CDH12: variants seen among roughly 807,000 people sequenced by gnomAD.
CDH12 encodes the protein cadherin 12.
A neutral mutation model predicts 74.1 loss-of-function variants in CDH12; 41 were observed. The observed-to-expected ratio is 0.55, with a 90% CI of 0.43 to 0.72. The LOEUF (loss-of-function observed/expected upper bound fraction) is 0.72. Ranked by LOEUF, CDH12 falls within the 30% of genes least tolerant of loss-of-function variation. The pLI is 0.00. For missense variants in CDH12, 945 were observed against 977.2 expected (o/e 0.97, Z 0.44); for synonymous variants, 399 against 355.0 (o/e 1.12, Z -1.39).
chr5:21,893,936 T>C (rs955951328), intron 6 of CDH12, among the ~76,000 whole-genome samples: 3 of 152,060 alleles, frequency 2.0e-5, no homozygotes, highest in East Asian at 3.9e-4. Flanking sequence ...GGTATTTGAG[T>C]TTTTTATTTT....
At chr5:22,378,028 T>C (rs1741608586) in intron 3 of CDH12, among the ~76,000 whole-genome samples, 1 of 152,190 alleles carries the variant, frequency 6.6e-6, no homozygotes, top group Admixed American at 6.5e-5. Context: ...GAATAACTGA[T>C]TATGAATAAT....
chr5:21,751,693 T>C lies in CDH12; in HGVS notation c.*44A>G, dbSNP rs746013405. ...AATATTTGTGTTTCTTTTTCTTTTTTAAAAATCTCCCCTCTCGGTTGTATT... is the reference window on the plus strand; with the variant it reads ...AATATTTGTGTTTCTTTTTCTTTTTCAAAAATCTCCCCTCTCGGTTGTATT... On this transcript the variant is annotated 3_prime_UTR_variant, in exon 15 of 15. Coordinates refer to ENST00000382254, the MANE Select transcript of CDH12 (RefSeq NM_004061.5). The C allele has an allele frequency of 6.6e-7, 1 of 1,525,164 alleles. No homozygotes were observed. The highest frequency in any genetic ancestry group is 1.3e-5 in the South Asian group (1 of 78,462). 94.5% of individuals were successfully genotyped at this position (1,525,164 alleles called of 1,614,324 possible).
chr5:22,226,746 A>G (rs1192883200), intron 3 of CDH12, among the ~76,000 whole-genome samples: 2 of 152,164 alleles, frequency 1.3e-5, no homozygotes, highest in Non-Finnish European at 2.9e-5. Flanking sequence ...TCCAGCATGC[A>G]GAACACATTT....
chr5:22,343,697 C>T (rs913495495), intron 3 of CDH12, among the ~76,000 whole-genome samples: 5 of 152,116 alleles, frequency 3.3e-5, no homozygotes, highest in African/African-American at 7.2e-5. Context: ...GGATTACAGG[C>T]GTGAGAAGTT....
At chr5:22,358,648 G>A (rs960912349) in intron 3 of CDH12, among the ~76,000 whole-genome samples, 6 of 152,106 alleles carry the variant, frequency 3.9e-5, no homozygotes, top group Admixed American at 3.9e-4. Context: ...TTGGTAGAAC[G>A]TTATTGAATT....
At chr5:21,972,729 AG>A (rs1199892593) in intron 6 of CDH12, among the ~76,000 whole-genome samples, 2 of 152,144 alleles carry the variant, frequency 1.3e-5, no homozygotes, top group Non-Finnish European at 2.9e-5. Context: ...TTATGGGGAA[AG>A]ACAAAAGTAA....
chr5:22,471,930 T>C (rs2551514), intron 2 of CDH12, among the ~76,000 whole-genome samples: 83,517 of 151,978 alleles, frequency 0.55, 23,170 homozygotes, highest in Admixed American at 0.69. Context: ...AGTGAGATCA[T>C]GCTCAATTCT....
chr5:22,830,509 A>G (rs1196096563), intron 1 of CDH12, among the ~76,000 whole-genome samples: 1 of 151,826 alleles, frequency 6.6e-6, no homozygotes, highest in Non-Finnish European at 1.5e-5. Context: ...TAATATATAT[A>G]ATTAGAAAAA....
intron 1 of CDH12, among the ~76,000 whole-genome samples, chr5:22,678,485 A>G (rs1477558660): frequency 2.0e-5 from 3 of 152,188 alleles, no homozygotes; most frequent in Admixed American, 6.6e-5. Context: ...TAAAGAATGA[A>G]TGAATGGTAT....
intron 2 of CDH12, among the ~76,000 whole-genome samples, chr5:22,407,648 C>T (rs1266673136): frequency 1.3e-5 from 2 of 152,054 alleles, no homozygotes; most frequent in Non-Finnish European, 2.9e-5. Context: ...CATCTTTCAC[C>T]AGCTACCTGC....
At chr5:21,862,344 G>A (rs1483058486) in intron 6 of CDH12, among the ~76,000 whole-genome samples, 1 of 152,042 alleles carries the variant, frequency 6.6e-6, no homozygotes. Context: ...TAAATTTTAA[G>A]AATCATCTGG....
At chr5:22,825,921 A>G (rs906864035) in intron 1 of CDH12, among the ~76,000 whole-genome samples, 25 of 152,164 alleles carry the variant, frequency 1.6e-4, no homozygotes, top group African/African-American at 5.8e-4. Context: ...GTCAGTCTGC[A>G]TATATATTTT....
chr5:21,920,288 T>G (rs1754291126), intron 6 of CDH12, among the ~76,000 whole-genome samples: 1 of 152,194 alleles, frequency 6.6e-6, no homozygotes, highest in Non-Finnish European at 1.5e-5. Flanking sequence ...CTTTACCAAT[T>G]ACAATAAATG....
At chr5:22,811,409 T>C (rs1326943803) in intron 1 of CDH12, among the ~76,000 whole-genome samples, 2 of 152,122 alleles carry the variant, frequency 1.3e-5, no homozygotes, top group Non-Finnish European at 2.9e-5. Flanking sequence ...GATTAGACGA[T>C]ATTCAGTGGC....
intron 1 of CDH12, among the ~76,000 whole-genome samples, chr5:22,545,901 T>G (rs968036277): frequency 2.0e-5 from 3 of 152,076 alleles, no homozygotes; most frequent in Non-Finnish European, 4.4e-5. Flanking sequence ...AGTTATACAG[T>G]AATGTCACTT....
chr5:22,285,817 A>C (rs1177390624), intron 3 of CDH12, among the ~76,000 whole-genome samples: 1 of 152,064 alleles, frequency 6.6e-6, no homozygotes, highest in African/African-American at 2.4e-5. Context: ...TCATTTATTC[A>C]AAAAGTATTT....
intron 5 of CDH12, among the ~76,000 whole-genome samples, chr5:21,992,737 C>A (rs182617235): frequency 1.3e-5 from 2 of 152,114 alleles, no homozygotes; most frequent in Non-Finnish European, 2.9e-5. Flanking sequence ...ACAGACAGAA[C>A]TTATAAACGG....
At chr5:21,896,448 A>T (rs903994986) in intron 6 of CDH12, among the ~76,000 whole-genome samples, 1 of 152,214 alleles carries the variant, frequency 6.6e-6, no homozygotes, top group Non-Finnish European at 1.5e-5. Context: ...CTGTGACATG[A>T]ATAAAATGCA....
At chr5:22,003,020 ATT>A (rs1467350606) in intron 5 of CDH12, among the ~76,000 whole-genome samples, 1 of 152,086 alleles carries the variant, frequency 6.6e-6, no homozygotes, top group Admixed American at 6.6e-5. Flanking sequence ...GGGGCTTTTG[ATT>A]TAGTGGATAT....
Sources: gnomAD v4.1 joint callset for allele counts (sites outside exome capture counted in the v4.1 genomes callset) on GRCh38, gnomAD v4.1.1 for gene constraint, MANE v1.5 for transcripts, NCBI Gene and HGNC (gene_info 2026-07-23, HGNC 2026-07-21) for gene names.